Variants in ECPAS observed in about 807,000 individuals in gnomAD.
ECPAS encodes Ecm29 proteasome adaptor and scaffold, also known as proteasome adapter and scaffold protein ECM29.
In ECPAS, 70 loss-of-function variants were observed where a neutral mutation model predicts 255.1. The observed-to-expected ratio is 0.27, with a 90% confidence interval of 0.23 to 0.33. ECPAS has a LOEUF of 0.33. Ranked by LOEUF, ECPAS falls within the 10% of genes least tolerant of loss-of-function variation. The pLI, the probability that ECPAS is intolerant of heterozygous loss-of-function variation, is 1.00. For synonymous variants in ECPAS, 784 were observed against 775.0 expected, an observed-to-expected ratio of 1.01 and a Z score of -0.19; for missense variants, 1,817 against 2,206.4, an observed-to-expected ratio of 0.82 and a Z score of 3.54.
At chr9:111,447,024 A>G (rs964403508) in intron 3 of ECPAS, among the ~76,000 whole-genome samples, 1 of 152,196 alleles carries the variant, frequency 6.6e-6, no homozygotes, top group Non-Finnish European at 1.5e-5. Flanking sequence ...TGACATTGTA[A>G]TCTAGGCTGA....
chr9:111,447,151 G>T (rs2098254263), intron 3 of ECPAS, among the ~76,000 whole-genome samples: 1 of 151,204 alleles, frequency 6.6e-6, no homozygotes. Context: ...CCGAGACAGG[G>T]TCTCACTCTG....
chr9:111,449,402 ATG>A (rs1159305612), intron 3 of ECPAS, among the ~76,000 whole-genome samples: 1 of 152,168 alleles, frequency 6.6e-6, no homozygotes, highest in African/African-American at 2.4e-5. Flanking sequence ...GCATAAAATT[ATG>A]TGAGAGAGAT....
chr9:111,412,757 A>G (rs1029540773), intron 20 of ECPAS, among the ~76,000 whole-genome samples: 28 of 152,242 alleles, frequency 1.8e-4, no homozygotes, highest in African/African-American at 6.8e-4. Flanking sequence ...AAACCTTTTT[A>G]AACTAAAAGC....
chr9:111,472,124 T>G (rs1275762064), intron 2 of ECPAS, among the ~76,000 whole-genome samples: 2 of 151,388 alleles, frequency 1.3e-5, no homozygotes, highest in East Asian at 3.9e-4. Flanking sequence ...TAAAACAAAA[T>G]GTAGTCCCAG....
At chr9:111,469,298 C>T (rs926252041) in intron 2 of ECPAS, among the ~76,000 whole-genome samples, 5 of 152,104 alleles carry the variant, frequency 3.3e-5, no homozygotes, top group Non-Finnish European at 5.9e-5. Flanking sequence ...CTTTGGAGGC[C>T]AAGGCAGGTG....
intron 46 of ECPAS, among the ~76,000 whole-genome samples, chr9:111,367,534 T>G (rs994354430): frequency 6.6e-6 from 1 of 152,190 alleles, no homozygotes; most frequent in Non-Finnish European, 1.5e-5. Context: ...GAAAAGTTAA[T>G]ACTCTTTATG....
chr9:111,483,088 T>C (rs2098309045), intron 1 of ECPAS, among the ~76,000 whole-genome samples: 1 of 151,926 alleles, frequency 6.6e-6, no homozygotes, highest in Non-Finnish European at 1.5e-5. Context: ...TCCCGAAAGC[T>C]CCATTTCTAT....
At chr9:111,427,821 G>A (rs1289196266) in intron 10 of ECPAS, among the ~76,000 whole-genome samples, 2 of 152,062 alleles carry the variant, frequency 1.3e-5, no homozygotes, top group Non-Finnish European at 2.9e-5. Context: ...GAGCATTTAG[G>A]ATTTCAGATT....
intron 47 of ECPAS, 57 bp downstream of exon 47, chr9:111,366,465 T>G (rs1276345936): frequency 5.1e-6 from 7 of 1,376,646 alleles, no homozygotes; most frequent in Non-Finnish European, 7.2e-6. Context: ...CCATTGATTA[T>G]ACATAAAATG....
intron 31 of ECPAS, among the ~76,000 whole-genome samples, chr9:111,386,800 C>T (rs577132274): frequency 5.0e-4 from 76 of 152,356 alleles, no homozygotes; most frequent in African/African-American, 1.8e-3. Context: ...GCACATGCCA[C>T]CTCTCCCTAC....
intron 38 of ECPAS, 67 bp downstream of exon 38, chr9:111,375,046 G>A (rs1564499838): frequency 9.0e-7 from 1 of 1,116,948 alleles, no homozygotes; most frequent in Non-Finnish European, 1.4e-6. Context: ...CAAACATGAT[G>A]GCTGTTATAT....
chr9:111,484,345 T>G lies in ECPAS; in HGVS notation c.-312A>C. 1.9e-6 allele frequency: 3 copies of G among 1,608,900 alleles called. No homozygotes were observed. Among genetic ancestry groups the G allele is most frequent in the South Asian group, 2.2e-5 (2 of 90,474 alleles). On this transcript the variant is annotated 5_prime_UTR_variant, in exon 1 of 50. Transcript: ENST00000684092. ...GCTGTCACGTTGGCTGGGCCCGACC[T>G]GGGGAAACACGCCTGTCCAAAGGAA...
rs1022598329 is a variant in ECPAS at position 111,361,618 on chromosome 9, T to C, written c.*412A>G. 6.5e-6 allele frequency: 1 copy of C among 152,958 alleles called. No individual in the cohort carries two copies. Among genetic ancestry groups the C allele is most frequent in the African/African-American group, 2.4e-5 (1 of 41,480 alleles). The allele number at this position is 152,958 out of a possible 1,614,324, so 9.5% of individuals were successfully genotyped here. On this transcript the variant is annotated 3_prime_UTR_variant, in exon 50 of 50. Coordinates refer to ENST00000684092, the MANE Select transcript of ECPAS (RefSeq NM_001364929.1). ...GCCTCTGAGATGACACAGCTTCCTA[T>C]TTCTTCAGGTGTAAGAGGGAGGTTA...
Position 111,386,244 on chromosome 9 carries a change from G to A in ECPAS, c.3527+133C>T. The A allele has an allele frequency of 5.9e-6, 4 of 674,868 alleles. No individual in the cohort carries two copies. The Admixed American group carries it at 8.3e-5, about 14-fold the overall frequency. The allele number at this position is 674,868 out of a possible 1,614,324, so 41.8% of individuals were successfully genotyped here. The stretch of plus-strand genomic sequence containing the variant: ...CTCCCCATGTGCTGGGATCACAGGT[G>A]TGAGCCACCACGCCCGGCCAGCTTT... On this transcript the variant is annotated intron_variant, in intron 32 of 49. Coordinates refer to ENST00000684092, the MANE Select transcript of ECPAS (RefSeq NM_001364929.1).
intron 8 of ECPAS, among the ~76,000 whole-genome samples, chr9:111,431,871 T>C (rs535730426): frequency 3.3e-5 from 5 of 152,354 alleles, no homozygotes; most frequent in African/African-American, 1.2e-4. Flanking sequence ...GTTTTAGATA[T>C]GATTCACCTA....
At chr9:111,445,752 G>A (rs1468681893) in intron 3 of ECPAS, among the ~76,000 whole-genome samples, 3 of 151,928 alleles carry the variant, frequency 2.0e-5, no homozygotes, top group African/African-American at 7.3e-5. Context: ...AGGTATACAC[G>A]TGCCATGTTG....
chr9:111,410,855 G>GT (rs1239902966), intron 22 of ECPAS, 125 bp downstream of exon 22: 2 of 1,039,098 alleles, frequency 1.9e-6, no homozygotes, highest in East Asian at 2.4e-5. Flanking sequence ...TATCAAGTAA[G>GT]TTTTTTGTGA....
At position 111,418,007 on chromosome 9, in the gene ECPAS, C is replaced by A; in HGVS notation, c.1560-1G>T. ...TGCTTCTCCATGAACTTCTTCACGT[C>A]TTTCAGAAAAAGACAAATAAGAATA... On this transcript the variant is annotated splice_acceptor_variant, in intron 16 of 49. Transcript: ENST00000684092. LOFTEE classifies it high-confidence loss of function. 1 of 1,579,750 alleles carries A rather than the reference C, an allele frequency of 6.3e-7. No homozygotes were observed. The highest frequency in any genetic ancestry group is 8.6e-7 in the Non-Finnish European group (1 of 1,168,560).
At chr9:111,440,613 A>T in intron 5 of ECPAS, 92 bp from the exon 6 acceptor site, 1 of 1,001,952 alleles carries the variant, frequency 1.0e-6, no homozygotes, top group Non-Finnish European at 1.4e-6. Context: ...CGTAACAAAA[A>T]CTGGCAGTTT....
Sources: gnomAD v4.1 joint callset for allele counts (sites outside exome capture counted in the v4.1 genomes callset) on GRCh38, gnomAD v4.1.1 for gene constraint, MANE v1.5 for transcripts, NCBI Gene and HGNC (gene_info 2026-07-23, HGNC 2026-07-21) for gene names.